Variants in ROR1 observed in about 807,000 individuals in gnomAD.
ROR1 encodes the protein ROR family WNT receptor 1, also known as inactive tyrosine-protein kinase transmembrane receptor ROR1.
ROR1 carries 19 observed loss-of-function variants against 78.8 expected under a neutral mutation model. That is an observed-to-expected ratio of 0.24 (90% CI 0.17 to 0.35). ROR1 has a LOEUF of 0.35. Ranked by LOEUF, ROR1 falls within the 10% of genes least tolerant of loss-of-function variation. The probability of loss-of-function intolerance (pLI) is 1.00; values close to 1 mark genes in which losing one functional copy is unlikely to be tolerated. For missense variants in ROR1, 917 were observed against 1,177.8 expected (o/e 0.78, Z 3.24); for synonymous variants, 386 against 433.6 (o/e 0.89, Z 1.36).
At chr1:63,924,344 TATTG>T (rs1220970965) in intron 1 of ROR1, among the ~76,000 whole-genome samples, 1 of 152,138 alleles carries the variant, frequency 6.6e-6, no homozygotes, top group Non-Finnish European at 1.5e-5. Flanking sequence ...ACTCAGCAAA[TATTG>T]ATTGATTGAA....
At chr1:63,974,042 T>C (rs912139016) in intron 1 of ROR1, among the ~76,000 whole-genome samples, 1 of 152,208 alleles carries the variant, frequency 6.6e-6, no homozygotes, top group Admixed American at 6.5e-5. Context: ...ACATTATTGC[T>C]TAAGTAAAGG....
At chr1:64,001,989 T>G (rs904272876) in intron 1 of ROR1, among the ~76,000 whole-genome samples, 3 of 152,002 alleles carry the variant, frequency 2.0e-5, no homozygotes, top group African/African-American at 4.8e-5. Context: ...GTGGTGGGGG[T>G]GGTGGCTAGG....
At chr1:63,903,090 T>C (rs1645499039) in intron 1 of ROR1, among the ~76,000 whole-genome samples, 1 of 152,168 alleles carries the variant, frequency 6.6e-6, no homozygotes, top group African/African-American at 2.4e-5. Context: ...CCAGGGAGGC[T>C]GGAAAAAGCT....
intron 4 of ROR1, among the ~76,000 whole-genome samples, chr1:64,088,723 A>C (rs1569722003): frequency 6.6e-6 from 1 of 152,282 alleles, no homozygotes; most frequent in East Asian, 1.9e-4. Flanking sequence ...GAGAAATATG[A>C]CCCTTAGTAT....
rs1166242029 is a variant in ROR1 at position 64,065,487 on chromosome 1, CAGAT to C, written c.482+14774_482+14777del. Among the ~76,000 whole-genome samples the C allele has an allele frequency of 5.3e-5, 8 of 152,292 alleles. No individual in the cohort carries two copies. The East Asian group carries it at 1.5e-3, about 29-fold the overall frequency. ...GAAACAGTACAGCAACAGCAGAAGA[CAGAT>C]AGGTAATGCAGGGGTCCCAGAGATA... On this transcript the variant is annotated intron_variant, in intron 4 of 8. Transcript: ENST00000371079.
chr1:63,961,376 G>A (rs985881129), intron 1 of ROR1, among the ~76,000 whole-genome samples: 1 of 152,138 alleles, frequency 6.6e-6, no homozygotes, highest in Non-Finnish European at 1.5e-5. Context: ...TTAAAGAGAT[G>A]TCTGCATTCC....
intron 1 of ROR1, among the ~76,000 whole-genome samples, chr1:63,776,159 T>C (rs1376623855): frequency 6.6e-6 from 1 of 152,258 alleles, no homozygotes; most frequent in Admixed American, 6.5e-5. Context: ...CCCTGTGGAC[T>C]CCTTTACTTT....
At chr1:64,138,882 G>A (rs557197005) in intron 5 of ROR1, among the ~76,000 whole-genome samples, 1 of 152,090 alleles carries the variant, frequency 6.6e-6, no homozygotes, top group East Asian at 1.9e-4. Flanking sequence ...GACATTTTGG[G>A]CCAGGCACAG....
At chr1:63,939,682 A>T (rs1164519793) in intron 1 of ROR1, among the ~76,000 whole-genome samples, 1 of 152,214 alleles carries the variant, frequency 6.6e-6, no homozygotes, top group Non-Finnish European at 1.5e-5. Context: ...TCTCTGAAAC[A>T]TGCAAAATTA....
chr1:63,837,808 C>T (rs548530030), intron 1 of ROR1, among the ~76,000 whole-genome samples: 4 of 152,212 alleles, frequency 2.6e-5, no homozygotes, highest in East Asian at 1.9e-4. Flanking sequence ...GTGACAGAAA[C>T]GAGATTCCGT....
At chr1:64,092,339 A>G (rs1647206302) in intron 4 of ROR1, among the ~76,000 whole-genome samples, 1 of 152,178 alleles carries the variant, frequency 6.6e-6, no homozygotes, top group Non-Finnish European at 1.5e-5. Context: ...GCTTGACATC[A>G]GGAGGCCTGG....
chr1:64,160,319 A>G (rs1162563742), intron 8 of ROR1, among the ~76,000 whole-genome samples: 1 of 152,044 alleles, frequency 6.6e-6, no homozygotes, highest in East Asian at 1.9e-4. Context: ...TTTTTATCTA[A>G]AAAATCTTGA....
At chr1:63,904,279 G>T (rs1645511584) in intron 1 of ROR1, among the ~76,000 whole-genome samples, 1 of 152,172 alleles carries the variant, frequency 6.6e-6, no homozygotes, top group African/African-American at 2.4e-5. Flanking sequence ...GTGTGCCCAT[G>T]TTATAGAGGA....
At chr1:64,159,771 G>A (rs1649886036) in intron 8 of ROR1, among the ~76,000 whole-genome samples, 1 of 152,008 alleles carries the variant, frequency 6.6e-6, no homozygotes, top group African/African-American at 2.4e-5. Context: ...CCTTCCAATA[G>A]TCTTCGAATG....
At chr1:63,803,382 C>T (rs1249434006) in intron 1 of ROR1, among the ~76,000 whole-genome samples, 15 of 150,512 alleles carry the variant, frequency 1.0e-4, no homozygotes, top group African/African-American at 3.7e-4. Flanking sequence ...CTCGCTCTGT[C>T]GCCCAGGCTG....
chr1:63,794,877 G>T (rs192222674), intron 1 of ROR1, among the ~76,000 whole-genome samples: 4 of 152,166 alleles, frequency 2.6e-5, no homozygotes, highest in Non-Finnish European at 4.4e-5. Context: ...AGGGGCTCAC[G>T]CACTCATGAA....
intron 1 of ROR1, among the ~76,000 whole-genome samples, chr1:63,821,293 A>C (rs1314453082): frequency 6.6e-6 from 1 of 152,240 alleles, no homozygotes; most frequent in Non-Finnish European, 1.5e-5. Flanking sequence ...ATTTGAACAC[A>C]GAATGAGTCC....
At chr1:63,975,361 C>T (rs1161949124) in intron 1 of ROR1, among the ~76,000 whole-genome samples, 1 of 151,968 alleles carries the variant, frequency 6.6e-6, no homozygotes, top group African/African-American at 2.4e-5. Flanking sequence ...TGAAGAGATT[C>T]ATGATTAAGT....
chr1:63,952,814 T>G (rs991002968), intron 1 of ROR1, among the ~76,000 whole-genome samples: 1 of 152,094 alleles, frequency 6.6e-6, no homozygotes, highest in Non-Finnish European at 1.5e-5. Flanking sequence ...GGGTAGAGGA[T>G]CTGTCTTAGA....
Sources: gnomAD v4.1 joint callset for allele counts (sites outside exome capture counted in the v4.1 genomes callset) on GRCh38, gnomAD v4.1.1 for gene constraint, MANE v1.5 for transcripts, NCBI Gene and HGNC (gene_info 2026-07-23, HGNC 2026-07-21) for gene names.